Variants in KMT2E observed in about 807,000 individuals in gnomAD.
KMT2E encodes the protein histone reader KMT2E.
KMT2E carries 30 observed loss-of-function variants against 184.6 expected under a neutral mutation model. The ratio of observed to expected loss-of-function variants is 0.16; its 90% CI spans 0.12 to 0.22. KMT2E has a LOEUF of 0.22. KMT2E is among the 10% of genes least tolerant of loss of function. The pLI, the probability that KMT2E is intolerant of heterozygous loss-of-function variation, is 1.00. For missense variants in KMT2E, 2,023 were observed against 2,237.4 expected, an observed-to-expected ratio of 0.90 and a Z score of 1.93; for synonymous variants, 815 against 776.5, an observed-to-expected ratio of 1.05 and a Z score of -0.82.
intron 3 of KMT2E, among the ~76,000 whole-genome samples, chr7:105,056,662 T>C (rs747032298): frequency 6.6e-6 from 1 of 152,224 alleles, no homozygotes; most frequent in Non-Finnish European, 1.5e-5. Context: ...AACCACTCTA[T>C]TGGAAGTTTG....
At position 105,114,558 on chromosome 7, in the gene KMT2E, A is replaced by C. The variant is rs1799521658; in HGVS notation, c.*1225A>C. Among the ~76,000 whole-genome samples the C allele has an allele frequency of 6.6e-6, 1 of 152,208 alleles. No homozygotes were observed. Among genetic ancestry groups the C allele is most frequent in the Non-Finnish European group, 1.5e-5 (1 of 68,036 alleles). On this transcript the variant is annotated 3_prime_UTR_variant, in exon 27 of 27. Coordinates refer to ENST00000311117, the MANE Select transcript of KMT2E (RefSeq NM_182931.3). ...ATTATTAATCTTCAAAAAATTAAAAATTTCCCAGCCTTTGTCTTCTACCTC... is the reference window on the plus strand; with the variant it reads ...ATTATTAATCTTCAAAAAATTAAAACTTTCCCAGCCTTTGTCTTCTACCTC...
intron 1 of KMT2E, among the ~76,000 whole-genome samples, chr7:105,028,120 A>G (rs1795245914): frequency 6.6e-6 from 1 of 152,172 alleles, no homozygotes; most frequent in African/African-American, 2.4e-5. Context: ...CTGAGCAAAA[A>G]GATAGATATT....
At chr7:105,075,598 A>T (rs1469982509) in intron 8 of KMT2E, among the ~76,000 whole-genome samples, 2 of 152,216 alleles carry the variant, frequency 1.3e-5, no homozygotes, top group African/African-American at 4.8e-5. Context: ...CACTGTTGTA[A>T]TATTGAACAC....
chr7:105,034,225 G>T (rs536134935), intron 1 of KMT2E, among the ~76,000 whole-genome samples: 2 of 152,050 alleles, frequency 1.3e-5, no homozygotes, highest in Non-Finnish European at 2.9e-5. Context: ...GTCCTGACTA[G>T]TGTGTGTGTG....
intron 3 of KMT2E, among the ~76,000 whole-genome samples, chr7:105,051,839 C>T (rs1796361537): frequency 6.6e-6 from 1 of 152,144 alleles, no homozygotes; most frequent in Non-Finnish European, 1.5e-5. Flanking sequence ...TCTCGAACTC[C>T]TGACTTCACA....
chr7:105,108,514 C>T (rs750777451), intron 22 of KMT2E: 21 of 450,798 alleles, frequency 4.7e-5, no homozygotes, highest in Admixed American at 3.6e-4. Context: ...CAAGAATTTT[C>T]GTGATGTGTG....
At chr7:105,053,944 G>A (rs1796452708) in intron 3 of KMT2E, among the ~76,000 whole-genome samples, 3 of 151,938 alleles carry the variant, frequency 2.0e-5, no homozygotes, top group Admixed American at 2.0e-4. Context: ...GAGCCAAGGT[G>A]GGCAGATCAC....
chr7:105,088,611 T>C lies in KMT2E; in HGVS notation c.1359-1398T>C, dbSNP rs1398839600. Among the ~76,000 whole-genome samples the C allele has an allele frequency of 3.9e-5, 6 of 152,190 alleles. No individual in the cohort carries two copies. The East Asian group carries it at 1.2e-3, about 29-fold the overall frequency. On this transcript the variant is annotated intron_variant, in intron 13 of 26. Transcript: ENST00000311117. Reference sequence around the variant, plus strand: ...GCCTGTATCATAGAGATGAACTACATCTTAGCAGCTGTGGTAAAGATAAAG... The same window carrying C: ...GCCTGTATCATAGAGATGAACTACACCTTAGCAGCTGTGGTAAAGATAAAG...
chr7:105,029,856 C>T (rs989432026), intron 1 of KMT2E, among the ~76,000 whole-genome samples: 1 of 152,108 alleles, frequency 6.6e-6, no homozygotes, highest in Non-Finnish European at 1.5e-5. Flanking sequence ...ATGGGGAGGA[C>T]TGAGCCTGGG....
At chr7:105,041,858 CTA>C (rs987124853) in intron 3 of KMT2E, among the ~76,000 whole-genome samples, 11 of 152,198 alleles carry the variant, frequency 7.2e-5, no homozygotes, top group African/African-American at 2.6e-4. Context: ...TATGAAGAAA[CTA>C]TTTTTTTTTC....
intron 13 of KMT2E, among the ~76,000 whole-genome samples, chr7:105,085,676 A>G (rs1397823574): frequency 6.8e-6 from 1 of 147,162 alleles, no homozygotes; most frequent in Non-Finnish European, 1.5e-5. Flanking sequence ...ACTAACTGCT[A>G]TCTTTAATTT....
At chr7:105,091,123 TTGTTGTGGTTGAAAG>T in intron 14 of KMT2E, 78 bp from the exon 15 acceptor site, 2 of 601,838 alleles carry the variant, frequency 3.3e-6, no homozygotes. Context: ...CATGTTGAAT[TTGTTGTGGTTGAAAG>T]ACATTAAAAT....
chr7:105,060,177 T>C (rs760349102), intron 3 of KMT2E, among the ~76,000 whole-genome samples: 2 of 151,586 alleles, frequency 1.3e-5, no homozygotes, highest in Non-Finnish European at 2.9e-5. Flanking sequence ...GTATTTTTAG[T>C]AGAGATGGGT....
chr7:105,112,055 T>G lies in KMT2E; in HGVS notation c.4299T>G (p.Pro1433=), dbSNP rs745443295. 5.6e-6 allele frequency: 9 copies of G among 1,614,086 alleles called. No individual in the cohort carries two copies. Among genetic ancestry groups the G allele is most frequent in the Non-Finnish European group, 3.4e-6 (4 of 1,180,034 alleles). ...NSSEQLSQKL[P]SVPTKLHCPP... is the part of the protein sequence containing the mutation. ...CTGAGCAACTTTCACAAAAGCTGCCTTCTGTGCCAACAAAGTTGCACTGTC... is the reference window on the plus strand; with the variant it reads ...CTGAGCAACTTTCACAAAAGCTGCCGTCTGTGCCAACAAAGTTGCACTGTC... Residue 1433 remains proline (P), a synonymous_variant, in exon 27 of 27, where the codon CCT becomes CCG. Coordinates refer to ENST00000311117, the MANE Select transcript of KMT2E (RefSeq NM_182931.3).
At chr7:105,074,500 G>GT in intron 7 of KMT2E, 143 bp from the exon 8 acceptor site, 1 of 518,866 alleles carries the variant, frequency 1.9e-6, no homozygotes, top group Non-Finnish European at 3.2e-6. Context: ...ATGTAAATGT[G>GT]TAAGTGAGGT....
At chr7:105,027,566 G>A (rs1399322513) in intron 1 of KMT2E, among the ~76,000 whole-genome samples, 104 of 152,180 alleles carry the variant, frequency 6.8e-4, no homozygotes, top group Non-Finnish European at 1.5e-5. Context: ...TATTGGATAT[G>A]TGGATCTATT....
intron 22 of KMT2E, chr7:105,108,428 T>A: frequency 3.0e-6 from 1 of 333,546 alleles, no homozygotes; most frequent in Non-Finnish European, 6.0e-6. Context: ...GCAGACATAC[T>A]GAGATAATTA....
chr7:105,072,350 AACTT>A (rs1477507141), intron 6 of KMT2E, among the ~76,000 whole-genome samples: 1 of 152,162 alleles, frequency 6.6e-6, no homozygotes, highest in Non-Finnish European at 1.5e-5. Context: ...AAAACAAAAA[AACTT>A]ACCATTAGGA....
intron 3 of KMT2E, among the ~76,000 whole-genome samples, chr7:105,045,025 C>A (rs1562888395): frequency 6.6e-6 from 1 of 152,188 alleles, no homozygotes; most frequent in Non-Finnish European, 1.5e-5. Flanking sequence ...AGTCTTGACC[C>A]TTTGTCAATT....
Sources: gnomAD v4.1 joint callset for allele counts (sites outside exome capture counted in the v4.1 genomes callset) on GRCh38, gnomAD v4.1.1 for gene constraint, MANE v1.5 for transcripts, NCBI Gene and HGNC (gene_info 2026-07-23, HGNC 2026-07-21) for gene names.